The following FNBP1 variants were observed in gnomAD, a reference collection of about 807,000 sequenced individuals.
FNBP1 encodes the protein formin-binding protein 1.
Under a neutral mutation model 90.6 loss-of-function variants are expected in FNBP1, and 26 were observed. The observed-to-expected ratio is 0.29, with a 90% CI of 0.21 to 0.40. FNBP1 has a LOEUF of 0.40. FNBP1 is among the 10% of genes least tolerant of loss of function. FNBP1 has a pLI of 1.00. For missense variants in FNBP1, 635 were observed against 768.0 expected (o/e 0.83, Z 2.05); for synonymous variants, 260 against 265.2 (o/e 0.98, Z 0.19).
chr9:129,916,047 A>C, intron 10 of FNBP1, 67 bp from the exon 11 acceptor site: 13 of 1,144,274 alleles, frequency 1.1e-5, no homozygotes, highest in Non-Finnish European at 1.4e-5. Flanking sequence ...AGAAAAAAAA[A>C]CAACAACACA....
rs530113400 is a variant in FNBP1 at position 129,908,378 on chromosome 9, CT to C, written c.1295+511del. Among the ~76,000 whole-genome samples, 518 of 132,406 alleles carry C rather than the reference CT, an allele frequency of 3.9e-3. 15 individuals are homozygous for C. The East Asian group carries it at 0.057, about 14-fold the overall frequency. 86.9% of individuals were successfully genotyped at this position (132,406 alleles called of 152,430 possible). On this transcript the variant is annotated intron_variant, in intron 12 of 16. Transcript: ENST00000446176. ...ACCATCATGCCTGGCTAGTTTTTTT[CT>C]TTTTTTTTTTTTTAGGGTTTTTGCT...
intron 1 of FNBP1, among the ~76,000 whole-genome samples, chr9:130,008,581 A>C (rs1468840649): frequency 1.3e-5 from 2 of 152,194 alleles, no homozygotes; most frequent in African/African-American, 4.8e-5. Context: ...TAATTTAAAA[A>C]ATGCTCCATT....
chr9:130,053,749 G>T, the FNBP1 span: 1 of 607,096 alleles, frequency 1.6e-6, no homozygotes, highest in Non-Finnish European at 2.9e-6. Context: ...GCGGCCGATC[G>T]AAGGGCCCCG....
At position 129,890,611 on chromosome 9, in the gene FNBP1, G is replaced by T; in HGVS notation, c.1847-65C>A. On this transcript the variant is annotated intron_variant, in intron 16 of 16. Transcript: ENST00000446176. This position sits in a 1 kb window ranked among gnomAD's most constrained non-coding sequence, Gnocchi z 5.8. The stretch of plus-strand genomic sequence containing the variant: ...AGAGAGGAAGGCGCGGGTTCCAGGC[G>T]GGCATTTTGCTCTTGGCTACAAACT... 1 of 1,473,016 alleles carries T rather than the reference G, an allele frequency of 6.8e-7. No individual in the cohort carries two copies. Among genetic ancestry groups the T allele is most frequent in the Non-Finnish European group, 9.3e-7 (1 of 1,075,354 alleles). The allele number at this position is 1,473,016 out of a possible 1,614,324, so 91.2% of individuals were successfully genotyped here. A position where few individuals can be genotyped will look rare whatever the true frequency, so the allele number is the denominator to read the frequency against.
rs1449409673 is a variant in FNBP1 at position 130,042,231 on chromosome 9, C to T, written c.24+721G>A. ...CACTGGAAACTATTCTCCGAGCAACCGTTAAAGATCATTGACCCCGCGAAC... is the reference window on the plus strand; with the variant it reads ...CACTGGAAACTATTCTCCGAGCAACTGTTAAAGATCATTGACCCCGCGAAC... On this transcript the variant is annotated intron_variant, in intron 1 of 16. Transcript: ENST00000446176. This position sits in a 1 kb window ranked among gnomAD's most constrained non-coding sequence, Gnocchi z 5.5. 6.6e-6 allele frequency among the ~76,000 whole-genome samples: 1 copy of T among 152,114 alleles called. No individual in the cohort carries two copies. The highest frequency in any genetic ancestry group is 1.5e-5 in the Non-Finnish European group (1 of 68,018).
At chr9:129,898,500 T>C (rs1460630459) in intron 15 of FNBP1, among the ~76,000 whole-genome samples, 1 of 149,186 alleles carries the variant, frequency 6.7e-6, no homozygotes, top group Admixed American at 6.7e-5. Context: ...ACTGCCTGCT[T>C]TTTTTTTTTG....
chr9:129,990,509 T>C (rs1005387261), intron 2 of FNBP1, among the ~76,000 whole-genome samples: 1 of 152,092 alleles, frequency 6.6e-6, no homozygotes, highest in African/African-American at 2.4e-5. Flanking sequence ...GGCCTCTGTA[T>C]GGTTACAGCA....
chr9:130,019,459 C>A (rs1359396122), intron 1 of FNBP1, among the ~76,000 whole-genome samples: 1 of 152,038 alleles, frequency 6.6e-6, no homozygotes, highest in Non-Finnish European at 1.5e-5. Flanking sequence ...ATGAAAGATA[C>A]AACTTTGGAG....
At chr9:129,949,983 A>T (rs777750274) in intron 6 of FNBP1, among the ~76,000 whole-genome samples, 5 of 152,206 alleles carry the variant, frequency 3.3e-5, no homozygotes, top group African/African-American at 4.8e-5. Context: ...GGCTGCTAGA[A>T]AAAAAGGAGG....
At chr9:130,049,873 G>A in the FNBP1 span, among the ~76,000 whole-genome samples, 1 of 151,956 alleles carries the variant, frequency 6.6e-6, no homozygotes, top group East Asian at 1.9e-4. Flanking sequence ...TTTTGTGTGT[G>A]TTTTGTGTTT....
At chr9:130,032,415 C>G (rs2058886307) in intron 1 of FNBP1, among the ~76,000 whole-genome samples, 1 of 152,176 alleles carries the variant, frequency 6.6e-6, no homozygotes, top group Non-Finnish European at 1.5e-5. Flanking sequence ...AAGCTATCCT[C>G]TCGCCTTGGC....
chr9:129,888,889 C>A lies in FNBP1; in HGVS notation c.*1650G>T. On this transcript the variant is annotated 3_prime_UTR_variant, in exon 17 of 17. Coordinates refer to ENST00000446176, the MANE Select transcript of FNBP1 (RefSeq NM_015033.3). ...CTATAGGACTTCCTTGTCTTAGATT[C>A]ATAAACAGCAAGAGGAACTGAGGAT... The A allele has an allele frequency of 4.3e-6, 1 of 232,262 alleles. No individual in the cohort carries two copies. The allele number at this position is 232,262 out of a possible 1,614,324, so 14.4% of individuals were successfully genotyped here.
At chr9:130,015,262 G>A (rs1279903742) in intron 1 of FNBP1, among the ~76,000 whole-genome samples, 1 of 152,124 alleles carries the variant, frequency 6.6e-6, no homozygotes, top group Non-Finnish European at 1.5e-5. Context: ...TTCTCATGGA[G>A]CTCACATACT....
intron 1 of FNBP1, among the ~76,000 whole-genome samples, chr9:130,008,588 C>A (rs549995408): frequency 1.3e-5 from 2 of 152,250 alleles, no homozygotes; most frequent in African/African-American, 4.8e-5. Flanking sequence ...AAAAATGCTC[C>A]ATTTTATTGT....
chr9:129,996,181 C>T (rs932045127), intron 1 of FNBP1, among the ~76,000 whole-genome samples: 1 of 152,052 alleles, frequency 6.6e-6, no homozygotes, highest in Admixed American at 6.6e-5. Flanking sequence ...CTGGCCTGTC[C>T]AGAAGAGAGC....
intron 1 of FNBP1, among the ~76,000 whole-genome samples, chr9:130,029,128 A>G (rs886918589): frequency 2.0e-5 from 3 of 152,142 alleles, no homozygotes; most frequent in African/African-American, 7.2e-5. Context: ...TGCTTGGCAC[A>G]TAAGTAGTTT....
At chr9:129,901,523 C>A (rs1174008607) in intron 13 of FNBP1, among the ~76,000 whole-genome samples, 3 of 151,860 alleles carry the variant, frequency 2.0e-5, no homozygotes, top group Admixed American at 6.6e-5. Flanking sequence ...GGTGACAGAG[C>A]GAGACTCTGT....
intron 11 of FNBP1, among the ~76,000 whole-genome samples, chr9:129,913,378 A>G (rs530051720): frequency 4.7e-4 from 72 of 152,334 alleles, no homozygotes; most frequent in African/African-American, 1.5e-3. Flanking sequence ...AAGACAGGCC[A>G]TAACAGGAGG....
intron 1 of FNBP1, among the ~76,000 whole-genome samples, chr9:130,013,309 T>TA (rs1251129963): frequency 6.6e-6 from 1 of 152,044 alleles, no homozygotes; most frequent in Non-Finnish European, 1.5e-5. Context: ...TCAAATAACT[T>TA]AACAGGAAAA....
Sources: allele counts gnomAD v4.1 joint callset (sites outside exome capture counted in the v4.1 genomes callset), GRCh38; gene constraint gnomAD v4.1.1; non-coding constraint Gnocchi (gnomAD v3.1); transcripts MANE v1.5; gene names NCBI Gene and HGNC (gene_info 2026-07-23, HGNC 2026-07-21).